The following TBC1D22A variants were observed in gnomAD, a reference collection of about 807,000 sequenced individuals.
The protein encoded by TBC1D22A is putative GTPase activator.
Under a neutral mutation model 60.2 loss-of-function variants are expected in TBC1D22A, and 38 were observed. That is an observed-to-expected ratio of 0.63 (90% CI 0.49 to 0.83). The LOEUF (loss-of-function observed/expected upper bound fraction) is 0.83. Among genes scored for constraint, TBC1D22A ranks in the 40% least tolerant of loss-of-function variants. TBC1D22A has a pLI of 0.00. For missense variants in TBC1D22A, 628 were observed against 701.0 expected, an observed-to-expected ratio of 0.90 and a Z score of 1.18; for synonymous variants, 302 against 281.7, an observed-to-expected ratio of 1.07 and a Z score of -0.72.
intron 5 of TBC1D22A, among the ~76,000 whole-genome samples, 180 bp from the exon 6 acceptor site, chr22:46,891,086 T>G (rs542002933): frequency 2.7e-5 from 4 of 146,312 alleles, no homozygotes; most frequent in Admixed American, 1.3e-4. Context: ...TTGCATTGTG[T>G]TCAGCTGGCT....
intron 12 of TBC1D22A, among the ~76,000 whole-genome samples, chr22:47,125,214 T>C (rs960327): frequency 0.085 from 12,956 of 152,182 alleles, 1,819 homozygotes; most frequent in African/African-American, 0.29. Flanking sequence ...TGCACCCCCC[T>C]GGGTTCCTCC....
chr22:47,102,112 C>T (rs999361567), intron 11 of TBC1D22A, among the ~76,000 whole-genome samples: 1 of 152,242 alleles, frequency 6.6e-6, no homozygotes, highest in Non-Finnish European at 1.5e-5. Context: ...TGCTGCAGAA[C>T]AGTCCTGAGT....
At chr22:46,924,764 A>G (rs1369985912) in intron 8 of TBC1D22A, among the ~76,000 whole-genome samples, 1 of 152,076 alleles carries the variant, frequency 6.6e-6, no homozygotes, top group Non-Finnish European at 1.5e-5. Flanking sequence ...AACAAAAACA[A>G]AAACATTATA....
intron 11 of TBC1D22A, among the ~76,000 whole-genome samples, chr22:47,101,795 T>G (rs1006000766): frequency 2.6e-5 from 4 of 152,130 alleles, no homozygotes. Flanking sequence ...TCATCTTCCT[T>G]GACGGGAGAT....
At chr22:46,876,531 T>C (rs896709006) in intron 4 of TBC1D22A, among the ~76,000 whole-genome samples, 1 of 152,250 alleles carries the variant, frequency 6.6e-6, no homozygotes, top group Non-Finnish European at 1.5e-5. Context: ...GTTGGCGTCA[T>C]TCCTCAGGCT....
chr22:46,924,241 T>C (rs533775048), intron 8 of TBC1D22A, among the ~76,000 whole-genome samples: 62 of 152,298 alleles, frequency 4.1e-4, no homozygotes, highest in Non-Finnish European at 7.1e-4. Context: ...GACTGAGTAC[T>C]TTGGACGGAT....
At chr22:46,888,943 A>G (rs530466849) in intron 5 of TBC1D22A, among the ~76,000 whole-genome samples, 2 of 152,334 alleles carry the variant, frequency 1.3e-5, no homozygotes, top group South Asian at 4.1e-4. Context: ...TGACGTCGTG[A>G]TCTGCCTGCC....
At chr22:47,111,147 CT>C (rs1193485410) in intron 11 of TBC1D22A, among the ~76,000 whole-genome samples, 3 of 152,188 alleles carry the variant, frequency 2.0e-5, no homozygotes, top group African/African-American at 7.2e-5. Context: ...CTCACGCGCC[CT>C]TTGTGAGGAG....
intron 1 of TBC1D22A, chr22:46,763,394 G>GTTTTTTTTTTTTTTT (rs61285872): frequency 1.5e-5 from 1 of 66,658 alleles, no homozygotes; most frequent in African/African-American, 6.3e-5. Flanking sequence ...TTAGCAGGAA[G>GTTTTTTTTTTTTTTT]TTTTTTTTTT....
chr22:47,110,861 G>T (rs1321327349), intron 11 of TBC1D22A, among the ~76,000 whole-genome samples: 2 of 152,228 alleles, frequency 1.3e-5, no homozygotes, highest in East Asian at 3.8e-4. Context: ...TCTGGGAGCT[G>T]ACAGTGGTCC....
intron 11 of TBC1D22A, among the ~76,000 whole-genome samples, chr22:47,085,070 C>A (rs1033498593): frequency 5.3e-5 from 8 of 152,190 alleles, no homozygotes; most frequent in African/African-American, 1.7e-4. Context: ...GCCTGAAGGT[C>A]AGGAGTTTGA....
At chr22:47,099,136 AC>A (rs2065308368) in intron 11 of TBC1D22A, among the ~76,000 whole-genome samples, 1 of 152,156 alleles carries the variant, frequency 6.6e-6, no homozygotes, top group East Asian at 1.9e-4. Context: ...CTGAGCGCTT[AC>A]CCTGTGCTGT....
chr22:47,093,986 G>A (rs1284479100), intron 11 of TBC1D22A, among the ~76,000 whole-genome samples: 2 of 152,158 alleles, frequency 1.3e-5, no homozygotes, highest in Non-Finnish European at 2.9e-5. Context: ...CTCCCTGACT[G>A]ACTAAAACAT....
At chr22:47,001,889 A>G (rs2061421544) in intron 10 of TBC1D22A, among the ~76,000 whole-genome samples, 1 of 152,198 alleles carries the variant, frequency 6.6e-6, no homozygotes, top group Non-Finnish European at 1.5e-5. Context: ...GTGTCCAGCA[A>G]CTCCACAAAA....
chr22:46,830,994 G>A (rs1464363302), intron 4 of TBC1D22A, among the ~76,000 whole-genome samples: 4 of 152,190 alleles, frequency 2.6e-5, no homozygotes, highest in Non-Finnish European at 5.9e-5. Flanking sequence ...CAGGGTCCCA[G>A]TGAGTCATGC....
chr22:46,869,877 A>G (rs989155487), intron 4 of TBC1D22A, among the ~76,000 whole-genome samples: 1 of 152,228 alleles, frequency 6.6e-6, no homozygotes, highest in African/African-American at 2.4e-5. Context: ...TTCAGAAAAA[A>G]GGTTCTTATA....
In TBC1D22A at chr22:46,877,808, G is replaced by A. The variant is rs2147485154; in HGVS notation, c.638-845G>A. 2.0e-5 allele frequency among the ~76,000 whole-genome samples: 3 copies of A among 152,332 alleles called. No homozygotes were observed. In the South Asian group the frequency reaches 6.2e-4, roughly 32 times the overall value. ...TAATTACTTGAGTTTCCATGGGATTGGACAAGTGTTGCTATACCTAGACAT... is the reference window on the plus strand; with the variant it reads ...TAATTACTTGAGTTTCCATGGGATTAGACAAGTGTTGCTATACCTAGACAT... On this transcript the variant is annotated intron_variant, in intron 4 of 12. Coordinates refer to ENST00000337137, the MANE Select transcript of TBC1D22A (RefSeq NM_014346.5).
chr22:47,127,444 C>T (rs996246019), intron 12 of TBC1D22A, among the ~76,000 whole-genome samples: 21 of 142,076 alleles, frequency 1.5e-4, no homozygotes, highest in African/African-American at 3.4e-4. Flanking sequence ...AGGCTGGTCT[C>T]GAACCCCTGA....
rs1295811600 is a variant in TBC1D22A at position 46,762,932 on chromosome 22, C to G, written c.62+84C>G. On this transcript the variant is annotated intron_variant, in intron 1 of 12. Transcript: ENST00000337137. ...TGGCCTCCTGGGCTGCGGGTGGAGT[C>G]GGGGGTCTGGAGAGGGCAACTTGGA... The G allele has an allele frequency of 4.5e-6, 6 of 1,341,086 alleles. No homozygotes were observed. The East Asian group carries it at 9.2e-5, about 21-fold the overall frequency. The allele number at this position is 1,341,086 out of a possible 1,614,324, so 83.1% of individuals were successfully genotyped here. A position where few individuals can be genotyped will look rare whatever the true frequency, so the allele number is the denominator to read the frequency against.
Sources: allele counts gnomAD v4.1 joint callset (sites outside exome capture counted in the v4.1 genomes callset), GRCh38; gene constraint gnomAD v4.1.1; transcripts MANE v1.5; gene names NCBI Gene and HGNC (gene_info 2026-07-23, HGNC 2026-07-21).